Variants in CENPK observed in about 807,000 individuals in gnomAD.
The protein encoded by CENPK is centromere protein K, also known as SoxLZ/Sox6-binding protein Solt.
CENPK carries 46 observed loss-of-function variants against 40.9 expected under a neutral mutation model. The ratio of observed to expected loss-of-function variants is 1.13; its 90% confidence interval spans 0.89 to 1.44. CENPK has a LOEUF of 1.44. Ranked by LOEUF, CENPK falls within the 40% of genes most tolerant of loss-of-function variation. The probability of loss-of-function intolerance (pLI) is 0.00; values close to 1 mark genes in which losing one functional copy is unlikely to be tolerated. For missense variants in CENPK, 288 were observed against 303.5 expected (o/e 0.95, Z 0.38); for synonymous variants, 107 against 104.4 (o/e 1.02, Z -0.15).
At chr5:65,515,290 G>A (rs371884997), downstream of CENPK, among the ~76,000 whole-genome samples, 76 of 143,300 alleles carry the variant, frequency 5.3e-4, 1 homozygote, top group East Asian at 9.4e-3. Context: ...TGCAAGCTCC[G>A]CCTCCCGGGT....
intron 5 of CENPK, among the ~76,000 whole-genome samples, chr5:65,546,734 T>C (rs1486798785): frequency 1.3e-5 from 2 of 152,298 alleles, no homozygotes; most frequent in Non-Finnish European, 2.9e-5. Flanking sequence ...AGGAAGACCA[T>C]GTGAAGACAC....
the CENPK span, among the ~76,000 whole-genome samples, chr5:65,501,186 T>G: frequency 7.3e-6 from 1 of 137,754 alleles, no homozygotes; most frequent in Admixed American, 7.3e-5. Context: ...TTTTTTTTTT[T>G]TTTTTTTTTT....
At chr5:65,552,460 C>G (rs1258707921) in intron 4 of CENPK, 33 bp downstream of exon 4, 2 of 1,369,796 alleles carry the variant, frequency 1.5e-6, no homozygotes, top group Admixed American at 4.5e-5. Context: ...ATTCCACTTA[C>G]CTTGTATTTT....
intron 5 of CENPK, among the ~76,000 whole-genome samples, chr5:65,544,935 T>A (rs1249171079): frequency 1.3e-5 from 2 of 152,182 alleles, no homozygotes; most frequent in Non-Finnish European, 2.9e-5. Context: ...ATGAAAAAGT[T>A]CTGAAGATAC....
the CENPK span, among the ~76,000 whole-genome samples, chr5:65,499,655 T>A: frequency 9.3e-6 from 1 of 107,924 alleles, no homozygotes; most frequent in Admixed American, 8.7e-5. Flanking sequence ...TTAGATCTTT[T>A]TTTTTTTTTT....
At chr5:65,548,755 C>T (rs1309464618) in intron 5 of CENPK, among the ~76,000 whole-genome samples, 1 of 152,186 alleles carries the variant, frequency 6.6e-6, no homozygotes, top group Non-Finnish European at 1.5e-5. Flanking sequence ...AACTCCTCAT[C>T]TGTTCAAGTT....
chr5:65,552,932 G>A (rs1356038974), intron 3 of CENPK, among the ~76,000 whole-genome samples: 1 of 152,004 alleles, frequency 6.6e-6, no homozygotes, highest in Non-Finnish European at 1.5e-5. Context: ...AAGCCTTCAG[G>A]AGACATTGTT....
At chr5:65,551,456 G>T in intron 5 of CENPK, 108 bp downstream of exon 5, 2 of 581,940 alleles carry the variant, frequency 3.4e-6, no homozygotes, top group Non-Finnish European at 3.0e-6. Flanking sequence ...ATGAAATTTG[G>T]GCAATTTCAA....
At chr5:65,515,338 G>A (rs1036183428), downstream of CENPK, among the ~76,000 whole-genome samples, 4 of 151,516 alleles carry the variant, frequency 2.6e-5, no homozygotes, top group Non-Finnish European at 1.5e-5. Flanking sequence ...AAGTAGCTGG[G>A]ACTACAGGTG....
chr5:65,519,292 T>C (rs1000368909), intron 10 of CENPK, among the ~76,000 whole-genome samples: 1 of 152,232 alleles, frequency 6.6e-6, no homozygotes, highest in Non-Finnish European at 1.5e-5. Flanking sequence ...GAAAGCTAGC[T>C]AATGTGGATT....
At chr5:65,505,357 G>A in the CENPK span, among the ~76,000 whole-genome samples, 4 of 152,204 alleles carry the variant, frequency 2.6e-5, no homozygotes, top group Non-Finnish European at 5.9e-5. Context: ...TGTATGCTGA[G>A]CATAGTGGCT....
intron 7 of CENPK, 35 bp from the exon 8 acceptor site, chr5:65,529,052 A>C: frequency 6.4e-7 from 1 of 1,554,234 alleles, no homozygotes; most frequent in South Asian, 1.1e-5. Context: ...AGCAATATCT[A>C]AATAAAACTT....
chr5:65,526,071 T>C (rs996644787), intron 9 of CENPK, among the ~76,000 whole-genome samples: 2 of 152,142 alleles, frequency 1.3e-5, no homozygotes, highest in African/African-American at 2.4e-5. Context: ...CAATAGTCCT[T>C]ATACATCATA....
rs1162705683 is a variant in CENPK, at chr5:65,555,096, C to T, written c.-39-150G>A. 1.0e-5 allele frequency: 5 copies of T among 477,196 alleles called. No homozygotes were observed. The African/African-American group carries it at 1.1e-4, about 10-fold the overall frequency. 29.6% of individuals were successfully genotyped at this position (477,196 alleles called of 1,614,324 possible). On this transcript the variant is annotated intron_variant, in intron 2 of 10. Transcript: ENST00000396679. ...CCTTATTCTAAGTAAGGAAAACAGA[C>T]AATAAAATAAAAAATAAAACATATA... is the stretch of plus-strand genomic sequence containing the variant.
At chr5:65,517,543 A>G (rs1203313379), downstream of CENPK, among the ~76,000 whole-genome samples, 1 of 152,176 alleles carries the variant, frequency 6.6e-6, no homozygotes, top group African/African-American at 2.4e-5. Flanking sequence ...ACTTTAGAAA[A>G]TATGAAGTAA....
At chr5:65,531,409 T>C (rs973568665) in intron 6 of CENPK, among the ~76,000 whole-genome samples, 1 of 151,232 alleles carries the variant, frequency 6.6e-6, no homozygotes, top group Non-Finnish European at 1.5e-5. Flanking sequence ...ATTTGTCTTT[T>C]TTTTTTTTTC....
intron 9 of CENPK, chr5:65,524,680 C>CA (rs753826622): frequency 1.7e-3 from 197 of 117,160 alleles, no homozygotes; most frequent in Middle Eastern, 4.1e-3. Flanking sequence ...GACTCCATCT[C>CA]AAAAAAAAAA....
Sources: allele counts gnomAD v4.1 joint callset (sites outside exome capture counted in the v4.1 genomes callset), GRCh38; gene constraint gnomAD v4.1.1; transcripts MANE v1.5; gene names NCBI Gene and HGNC (gene_info 2026-07-23, HGNC 2026-07-21).